The following GLYATL2 variants were observed in gnomAD, a reference collection of about 807,000 sequenced individuals.
The protein encoded by GLYATL2 is glycine N-acyltransferase-like protein 2.
Under a neutral mutation model 21.4 loss-of-function variants are expected in GLYATL2, and 25 were observed. The ratio of observed to expected loss-of-function variants is 1.17; its 90% CI spans 0.85 to 1.63. The LOEUF (loss-of-function observed/expected upper bound fraction) is 1.63. Among genes scored for constraint, GLYATL2 ranks in the 40% most tolerant of loss-of-function variants. GLYATL2 has a pLI of 0.00. For missense variants in GLYATL2, 361 were observed against 343.3 expected, an observed-to-expected ratio of 1.05 and a Z score of -0.41; for synonymous variants, 114 against 118.2, an observed-to-expected ratio of 0.96 and a Z score of 0.23.
intron 1 of GLYATL2, among the ~76,000 whole-genome samples, chr11:58,861,933 T>C (rs1227987175): frequency 6.6e-6 from 1 of 152,132 alleles, no homozygotes; most frequent in Non-Finnish European, 1.5e-5. Flanking sequence ...ATGACATGCT[T>C]TGTGTCCTAA....
chr11:58,837,513 G>A (rs949892442), intron 3 of GLYATL2, 116 bp from the exon 4 acceptor site: 1 of 1,017,748 alleles, frequency 9.8e-7, no homozygotes, highest in Non-Finnish European at 1.4e-6. Flanking sequence ...TTCTGAGACA[G>A]GTGTAGAAAA....
chr11:58,907,465 T>C (rs1211505771), upstream of GLYATL2: 2 of 309,692 alleles, frequency 6.5e-6, no homozygotes, highest in African/African-American at 8.3e-5. Flanking sequence ...ATTTCATGTA[T>C]TTCGCTCTTT....
chr11:58,857,682 A>G (rs559727033), intron 1 of GLYATL2, among the ~76,000 whole-genome samples: 2 of 152,210 alleles, frequency 1.3e-5, no homozygotes, highest in Admixed American at 6.5e-5. Flanking sequence ...TTCATCATTC[A>G]TGTTGTCACT....
intron 1 of GLYATL2, among the ~76,000 whole-genome samples, chr11:58,884,058 G>A (rs1854392551): frequency 6.6e-6 from 1 of 152,040 alleles, no homozygotes; most frequent in African/African-American, 2.4e-5. Context: ...GGTATTGATG[G>A]GATGAATCTC....
chr11:58,903,018 G>T (rs772250548), intron 1 of GLYATL2, among the ~76,000 whole-genome samples: 1 of 152,198 alleles, frequency 6.6e-6, no homozygotes, highest in African/African-American at 2.4e-5. Flanking sequence ...TAGGTAGTTA[G>T]TTTCTCTGTG....
Position 58,857,152 on chromosome 11 carries a change from G to A in GLYATL2, n.61-18784C>T, listed in dbSNP as rs148309750. 2.3e-3 allele frequency among the ~76,000 whole-genome samples: 345 copies of A among 152,234 alleles called. 4 individuals are homozygous for A. The highest frequency in any genetic ancestry group is 6.9e-3 in the African/African-American group (288 of 41,542). On this transcript the variant is annotated intron_variant and non_coding_transcript_variant, in intron 1 of 4. Transcript: ENST00000533636. ...ACATTCCCACCAACAGTGCACAAGG[G>A]TTCTCCTCTCCTCACATCCTCTCCA...
At chr11:58,909,233 G>A in the GLYATL2 span, among the ~76,000 whole-genome samples, 2 of 152,186 alleles carry the variant, frequency 1.3e-5, no homozygotes, top group Admixed American at 1.3e-4. Flanking sequence ...GTTGTCAGGG[G>A]CTGGGAAGAG....
At chr11:58,885,744 TG>T (rs1157545661) in intron 1 of GLYATL2, among the ~76,000 whole-genome samples, 3 of 151,298 alleles carry the variant, frequency 2.0e-5, no homozygotes, top group Non-Finnish European at 4.4e-5. Flanking sequence ...GGAAAAGGGG[TG>T]GAGGGGGAAG....
intron 1 of GLYATL2, among the ~76,000 whole-genome samples, chr11:58,851,433 A>G (rs1853739779): frequency 6.6e-6 from 1 of 152,202 alleles, no homozygotes; most frequent in East Asian, 1.9e-4. Flanking sequence ...TCCTAGGGAT[A>G]CATCCCAGTT....
intron 1 of GLYATL2, among the ~76,000 whole-genome samples, chr11:58,868,567 A>G (rs971777102): frequency 4.0e-5 from 6 of 149,082 alleles, no homozygotes; most frequent in Non-Finnish European, 8.9e-5. Context: ...GGTGATATTG[A>G]TTGGTTTTCT....
At chr11:58,870,886 CAA>C (rs1365007266) in intron 1 of GLYATL2, among the ~76,000 whole-genome samples, 1 of 152,222 alleles carries the variant, frequency 6.6e-6, no homozygotes, top group Non-Finnish European at 1.5e-5. Flanking sequence ...CAAAGACTCT[CAA>C]AGTCTCTGCT....
intron 1 of GLYATL2, among the ~76,000 whole-genome samples, chr11:58,889,731 T>A (rs566724942): frequency 2.6e-5 from 4 of 152,244 alleles, no homozygotes; most frequent in African/African-American, 9.6e-5. Context: ...CATGTTCACA[T>A]CCTTTTGATA....
At chr11:58,852,166 T>G (rs1359796402) in intron 1 of GLYATL2, among the ~76,000 whole-genome samples, 1 of 152,218 alleles carries the variant, frequency 6.6e-6, no homozygotes, top group African/African-American at 2.4e-5. Flanking sequence ...TGGCAGAACT[T>G]TCATAGGCTC....
chr11:58,905,390 G>A (rs1347761680), upstream of GLYATL2: 3 of 444,492 alleles, frequency 6.7e-6, no homozygotes, highest in Non-Finnish European at 1.4e-5. Flanking sequence ...GCTGGATCCC[G>A]CCTGGATGCA....
Position 58,834,651 on chromosome 11 carries a change from A to T in GLYATL2, c.663T>A (p.Cys221Ter). 6.2e-7 allele frequency: 1 copy of T among 1,613,342 alleles called. No individual in the cohort carries two copies. Among genetic ancestry groups the T allele is most frequent in the Non-Finnish European group, 8.5e-7 (1 of 1,179,794 alleles). Residue 221 changes from cysteine (C) to a stop codon, truncating the protein, a stop_gained, in exon 6 of 6, where the codon TGT becomes TGA. Coordinates refer to ENST00000287275, the MANE Select transcript of GLYATL2 (RefSeq NM_145016.4). LOFTEE classifies it low-confidence loss of function (END_TRUNC). ...LVSWIVMEQS[C>*]ELRMGYTVPK... ...GGACAGTATAACCCATTCTCAACTC[A>T]CAGGACTGTTCCATCACAATCCAAG...
At chr11:58,868,411 T>C (rs888754293) in intron 1 of GLYATL2, among the ~76,000 whole-genome samples, 1 of 148,874 alleles carries the variant, frequency 6.7e-6, no homozygotes, top group African/African-American at 2.4e-5. Context: ...TTAGGTCTCC[T>C]GAGTTCCTGT....
intron 1 of GLYATL2, among the ~76,000 whole-genome samples, chr11:58,875,235 C>G (rs377206605): frequency 7.2e-4 from 110 of 152,276 alleles, no homozygotes; most frequent in African/African-American, 2.5e-3. Flanking sequence ...GGTCTTGACT[C>G]TTTATCCAAT....
At position 58,834,264 on chromosome 11, in the gene GLYATL2, A is replaced by G; in HGVS notation, c.*165T>C. The G allele has an allele frequency of 2.1e-6, 1 of 474,180 alleles. No homozygotes were observed. 29.4% of individuals were successfully genotyped at this position (474,180 alleles called of 1,614,324 possible). On this transcript the variant is annotated 3_prime_UTR_variant, in exon 6 of 6. Coordinates refer to ENST00000287275, the MANE Select transcript of GLYATL2 (RefSeq NM_145016.4). ...TAAAATTGAGCTTCTAATTTTCTGTAAGAATACAGAGGAGAAGGAAGGTAA... is the reference window on the plus strand; with the variant it reads ...TAAAATTGAGCTTCTAATTTTCTGTGAGAATACAGAGGAGAAGGAAGGTAA...
At chr11:58,894,111 G>C (rs184690094) in intron 1 of GLYATL2, among the ~76,000 whole-genome samples, 1 of 152,020 alleles carries the variant, frequency 6.6e-6, no homozygotes, top group South Asian at 2.1e-4. Context: ...TTACTTCCTC[G>C]TCATTAGTGA....
Sources: gnomAD v4.1 joint callset for allele counts (sites outside exome capture counted in the v4.1 genomes callset) on GRCh38, gnomAD v4.1.1 for gene constraint, MANE v1.5 for transcripts, NCBI Gene and HGNC (gene_info 2026-07-23, HGNC 2026-07-21) for gene names.